UBA6: variants seen among roughly 807,000 people sequenced by gnomAD.
The protein encoded by UBA6 is ubiquitin like modifier activating enzyme 6, also known as ubiquitin-like modifier-activating enzyme 6.
Under a neutral mutation model 148.3 loss-of-function variants are expected in UBA6, and 87 were observed. The observed-to-expected ratio is 0.59, with a 90% CI of 0.49 to 0.70. The LOEUF (loss-of-function observed/expected upper bound fraction) is 0.70, where lower values mean the gene tolerates loss of function less well. Ranked by LOEUF, UBA6 falls within the 30% of genes least tolerant of loss-of-function variation. The pLI is 0.00. For missense variants in UBA6, 1,186 were observed against 1,241.2 expected (o/e 0.96, Z 0.67); for synonymous variants, 376 against 401.0 (o/e 0.94, Z 0.75).
intron 17 of UBA6, among the ~76,000 whole-genome samples, chr4:67,642,385 C>T (rs1729328010): frequency 6.6e-6 from 1 of 152,010 alleles, no homozygotes; most frequent in African/African-American, 2.4e-5. Context: ...TAATTTGGAA[C>T]TCTCCAGTCT....
In UBA6 at chr4:67,615,294, C is replaced by T. The variant is rs1728603364; in HGVS notation, c.*3703G>A. The T allele has an allele frequency of 6.6e-6, 1 of 152,234 alleles. No homozygotes were observed. The highest frequency in any genetic ancestry group is 1.5e-5 in the Non-Finnish European group (1 of 68,042). 9.4% of individuals were successfully genotyped at this position (152,234 alleles called of 1,614,324 possible). A position where few individuals can be genotyped will look rare whatever the true frequency, so the allele number is the denominator to read the frequency against. ...GATCTGGGACTTCCTCTATTTCTCT[C>T]TTGCTCCTCTAGCCATGTGATACGC... On this transcript the variant is annotated 3_prime_UTR_variant, in exon 33 of 33. Coordinates refer to ENST00000322244, the MANE Select transcript of UBA6 (RefSeq NM_018227.6).
chr4:67,646,047 A>G, intron 15 of UBA6, 31 bp from the exon 16 acceptor site: 1 of 1,331,424 alleles, frequency 7.5e-7, no homozygotes, highest in Non-Finnish European at 1.0e-6. Context: ...CAAAAAGCAG[A>G]AATAAAAAAC....
At chr4:67,684,772 C>T (rs1730518679) in intron 2 of UBA6, among the ~76,000 whole-genome samples, 1 of 152,170 alleles carries the variant, frequency 6.6e-6, no homozygotes, top group South Asian at 2.1e-4. Context: ...ATAAATTTGT[C>T]TACTGTCTTT....
intron 2 of UBA6, among the ~76,000 whole-genome samples, chr4:67,691,947 T>C (rs1730703809): frequency 1.3e-5 from 2 of 152,122 alleles, no homozygotes; most frequent in Non-Finnish European, 2.9e-5. Flanking sequence ...TCTAACATGA[T>C]TTGAGAAAAA....
intron 20 of UBA6, among the ~76,000 whole-genome samples, chr4:67,635,030 T>C (rs1189958958): frequency 6.6e-6 from 1 of 151,936 alleles, no homozygotes; most frequent in Non-Finnish European, 1.5e-5. Flanking sequence ...TAAAGTACCA[T>C]TGAAGAAATC....
chr4:67,696,586 T>C, intron 2 of UBA6, 59 bp downstream of exon 2: 2 of 1,361,820 alleles, frequency 1.5e-6, no homozygotes, highest in Non-Finnish European at 2.1e-6. Context: ...AAGAGACTAC[T>C]TGATTATTTG....
Position 67,673,727 on chromosome 4 carries a change from G to A in UBA6, c.516C>T (p.Asp172=), listed in dbSNP as rs775062515. The part of the protein sequence containing the change: ...MKLPLQKKIN[D]FCRSQCPPIK... Reference sequence around the variant, plus strand: ...TTGGAGGGCACTGAGAACGGCAAAAGTCATTGATCTTCTTCTGCAATGGAA... The same window carrying A: ...TTGGAGGGCACTGAGAACGGCAAAAATCATTGATCTTCTTCTGCAATGGAA... The change falls in exon 7 of 33, where the codon GAC becomes GAT. Residue 172 remains aspartate (D), a synonymous_variant. Coordinates refer to ENST00000322244, the MANE Select transcript of UBA6 (RefSeq NM_018227.6). The A allele has an allele frequency of 2.5e-6, 4 of 1,611,756 alleles. No individual in the cohort carries two copies. Among genetic ancestry groups the A allele is most frequent in the East Asian group, 4.5e-5 (2 of 44,756 alleles).
intron 9 of UBA6, among the ~76,000 whole-genome samples, chr4:67,667,930 G>C (rs1230130030): frequency 6.6e-6 from 1 of 152,100 alleles, no homozygotes; most frequent in Admixed American, 6.6e-5. Flanking sequence ...TTTTATTCAA[G>C]CCACTGAAAA....
In UBA6 at chr4:67,622,709, T is replaced by C. The variant is rs545467603; in HGVS notation, c.3023+122A>G. On this transcript the variant is annotated intron_variant, in intron 32 of 32. Transcript: ENST00000322244. The stretch of plus-strand genomic sequence containing the variant: ...CTGGCAGATTCACTGTCTTTATTAA[T>C]GTCATTAGACAAGACTAATGCTTTT... The C allele has an allele frequency of 1.6e-3, 1,080 of 659,508 alleles. 7 individuals carry two copies. Among genetic ancestry groups the C allele is most frequent in the Middle Eastern group, 3.7e-3 (10 of 2,732 alleles). The allele number at this position is 659,508 out of a possible 1,614,324, so 40.9% of individuals were successfully genotyped here. A position where few individuals can be genotyped will look rare whatever the true frequency, so the allele number is the denominator to read the frequency against.
chr4:67,636,124 TC>T (rs1196058048), intron 19 of UBA6, among the ~76,000 whole-genome samples: 6 of 152,202 alleles, frequency 3.9e-5, no homozygotes, highest in Non-Finnish European at 8.8e-5. Context: ...CATTCATTCA[TC>T]TACTTATTTA....
chr4:67,648,991 T>C (rs865839606), intron 14 of UBA6, 77 bp downstream of exon 14: 1 of 1,465,422 alleles, frequency 6.8e-7, no homozygotes. Flanking sequence ...TTTTCTAATA[T>C]ATTAATACTA....
chr4:67,633,269 T>C, intron 23 of UBA6, 76 bp downstream of exon 23: 2 of 1,280,384 alleles, frequency 1.6e-6, no homozygotes, highest in Non-Finnish European at 1.0e-6. Context: ...ACATTTCAGG[T>C]CAATGAAATT....
intron 27 of UBA6, 34 bp downstream of exon 27, chr4:67,629,037 A>G (rs751081436): frequency 6.8e-7 from 1 of 1,473,972 alleles, no homozygotes; most frequent in East Asian, 2.3e-5. Context: ...AAATTCCCAA[A>G]CTATTTGCTG....
intron 13 of UBA6, among the ~76,000 whole-genome samples, chr4:67,657,826 C>CAAAAAAAAAAAAAAAAAAAAAAAA (rs57984969): frequency 3.5e-5 from 4 of 115,156 alleles, no homozygotes; most frequent in Non-Finnish European, 5.2e-5. Flanking sequence ...AACAAATTTA[C>CAAAAAAAAAAAAAAAAAAAAAAAA]AAAAAAAAAA....
At chr4:67,648,998 AC>A in intron 14 of UBA6, 69 bp downstream of exon 14, 1 of 1,493,668 alleles carries the variant, frequency 6.7e-7, no homozygotes, top group East Asian at 2.3e-5. Flanking sequence ...ATATATTAAT[AC>A]TACATTATAA....
Position 67,617,923 on chromosome 4 carries a change from T to C in UBA6, c.*1074A>G, listed in dbSNP as rs1230594369. 2 of 151,488 alleles carry C rather than the reference T, an allele frequency of 1.3e-5. No homozygotes were observed. Among genetic ancestry groups the C allele is most frequent in the Admixed American group, 6.6e-5 (1 of 15,168 alleles). The allele number at this position is 151,488 out of a possible 1,614,324, so 9.4% of individuals were successfully genotyped here. On this transcript the variant is annotated 3_prime_UTR_variant, in exon 33 of 33. Transcript: ENST00000322244. ...AAAGTATTTATAAAAACATCTGCAA[T>C]AGTTCATATCAGAAAACAAAGTTTC...
In UBA6 at chr4:67,612,881, G is replaced by A. The variant is rs1267317662; in HGVS notation, c.*6116C>T. ...TAATTACCATGCCAATAATATCTGA[G>A]AAAAGATAGAAATTCAGAAAAATGA... On this transcript the variant is annotated 3_prime_UTR_variant, in exon 33 of 33. Coordinates refer to ENST00000322244, the MANE Select transcript of UBA6 (RefSeq NM_018227.6). The A allele has an allele frequency of 2.0e-5, 3 of 152,302 alleles. No homozygotes were observed. The highest frequency in any genetic ancestry group is 3.4e-3 in the Middle Eastern group (1 of 294). 9.4% of individuals were successfully genotyped at this position (152,302 alleles called of 1,614,324 possible).
intron 8 of UBA6, among the ~76,000 whole-genome samples, chr4:67,670,101 C>A (rs1423087618): frequency 6.6e-6 from 1 of 152,008 alleles, no homozygotes; most frequent in African/African-American, 2.4e-5. Flanking sequence ...CACCACCAGG[C>A]CCGGTTAATT....
intron 2 of UBA6, 27 bp downstream of exon 2, chr4:67,696,618 A>C (rs1446642661): frequency 1.9e-6 from 3 of 1,560,678 alleles, no homozygotes; most frequent in East Asian, 4.5e-5. Flanking sequence ...TGGGGAAAAT[A>C]AGTTTCAGTT....
Sources: allele counts gnomAD v4.1 joint callset (sites outside exome capture counted in the v4.1 genomes callset), GRCh38; gene constraint gnomAD v4.1.1; transcripts MANE v1.5; gene names NCBI Gene and HGNC (gene_info 2026-07-23, HGNC 2026-07-21).